The following HDAC9 variants were observed in gnomAD, a reference collection of about 807,000 sequenced individuals.
The protein encoded by HDAC9 is MEF-2 interacting transcription repressor (MITR) protein.
A neutral mutation model predicts 139.4 loss-of-function variants in HDAC9; 41 were observed. The observed-to-expected ratio is 0.29, with a 90% CI of 0.23 to 0.38. HDAC9 has a LOEUF of 0.38. Among genes scored for constraint, HDAC9 ranks in the 10% least tolerant of loss-of-function variants. The pLI is 1.00. For synonymous variants in HDAC9, 517 were observed against 476.2 expected (o/e 1.09, Z -1.12); for missense variants, 1,147 against 1,297.0 (o/e 0.88, Z 1.78).
rs766384933 is a variant in HDAC9, at chr7:18,786,486, C to CCTTCCTTCCTTCCTTCCTTCA, written c.2215-6859_2215-6858insCTTCCTTCCTTCCTTCCTTCA. On this transcript the variant is annotated intron_variant, in intron 16 of 25. Transcript: ENST00000686413. ...CCTTCCTTTCGTCCTTCCTTCCTTT[C>CCTTCCTTCCTTCCTTCCTTCA]TTCCTTCCTTCCTTCCTTCCTCTCT... Among the ~76,000 whole-genome samples, 117 of 32,712 alleles carry CCTTCCTTCCTTCCTTCCTTCA rather than the reference C, an allele frequency of 3.6e-3. 1 individual carries two copies. The highest frequency in any genetic ancestry group is 7.5e-3 in the African/African-American group (111 of 14,704). 21.5% of individuals were successfully genotyped at this position (32,712 alleles called of 152,430 possible).
At chr7:18,234,689 C>T (rs536667176) in intron 2 of HDAC9, among the ~76,000 whole-genome samples, 1 of 152,220 alleles carries the variant, frequency 6.6e-6, no homozygotes, top group South Asian at 2.1e-4. Flanking sequence ...TTGTTTTTTG[C>T]CTAACATTTG....
At chr7:18,909,865 A>C (rs1585288013) in intron 22 of HDAC9, among the ~76,000 whole-genome samples, 1 of 152,028 alleles carries the variant, frequency 6.6e-6, no homozygotes, top group African/African-American at 2.4e-5. Context: ...ATAGGCTTGT[A>C]GTATATTTTG....
At chr7:18,483,731 C>T (rs1795756321) in intron 1 of HDAC9, among the ~76,000 whole-genome samples, 1 of 152,038 alleles carries the variant, frequency 6.6e-6, no homozygotes, top group African/African-American at 2.4e-5. Context: ...TTTCATTTAT[C>T]TCAAATTTTC....
intron 1 of HDAC9, among the ~76,000 whole-genome samples, chr7:18,099,479 GAA>G (rs71014306): frequency 6.7e-6 from 1 of 150,180 alleles, no homozygotes; most frequent in Admixed American, 6.6e-5. Context: ...AAAAAATAAA[GAA>G]AAAAAAAATA....
chr7:18,187,994 A>T (rs567778871), intron 2 of HDAC9, among the ~76,000 whole-genome samples: 1 of 152,162 alleles, frequency 6.6e-6, no homozygotes, highest in African/African-American at 2.4e-5. Flanking sequence ...ATTAGAAAAA[A>T]CTATTTTAAA....
chr7:18,370,556 G>C (rs938700274), intron 1 of HDAC9, among the ~76,000 whole-genome samples: 2 of 152,076 alleles, frequency 1.3e-5, no homozygotes, highest in African/African-American at 4.8e-5. Flanking sequence ...TTAGCAAGCT[G>C]AACACTGCTT....
intron 6 of HDAC9, among the ~76,000 whole-genome samples, chr7:18,622,352 C>G (rs1025414929): frequency 3.9e-5 from 6 of 152,142 alleles, no homozygotes; most frequent in Admixed American, 2.6e-4. Flanking sequence ...GAGAGGGAGT[C>G]TCGCCCTGTC....
chr7:18,807,886 A>G (rs186685308), intron 17 of HDAC9: 1 of 152,152 alleles, frequency 6.6e-6, no homozygotes, highest in Non-Finnish European at 1.5e-5. Context: ...CTTGAGGAGA[A>G]TGTGTATTCT....
rs556754331 is a variant in HDAC9 at position 18,590,265 on chromosome 7, T to C, written c.265-71T>C. 3.7e-4 allele frequency: 544 copies of C among 1,476,900 alleles called. 5 individuals carry two copies. Among genetic ancestry groups the C allele is most frequent in the Non-Finnish European group, 7.0e-5 (76 of 1,082,554 alleles). The allele number at this position is 1,476,900 out of a possible 1,614,324, so 91.5% of individuals were successfully genotyped here. On this transcript the variant is annotated intron_variant, in intron 3 of 25. Coordinates refer to ENST00000686413, the MANE Select transcript of HDAC9 (RefSeq NM_178425.4). ...ACAAGTTCCAAAAGCTCATAACATT[T>C]CAGTTTTGGTCAGTGATGACTATGA...
At chr7:18,482,053 G>A (rs927003577) in intron 1 of HDAC9, among the ~76,000 whole-genome samples, 4 of 151,966 alleles carry the variant, frequency 2.6e-5, no homozygotes, top group Non-Finnish European at 5.9e-5. Context: ...ATTGCCTATC[G>A]CCACATCATA....
At chr7:18,110,644 G>A (rs771334300) in intron 1 of HDAC9, among the ~76,000 whole-genome samples, 32 of 152,320 alleles carry the variant, frequency 2.1e-4, no homozygotes, top group Admixed American at 2.0e-4. Flanking sequence ...TTAGCCTCTA[G>A]ATGGTAGAGC....
intron 2 of HDAC9, among the ~76,000 whole-genome samples, chr7:18,564,764 A>G (rs1821738160): frequency 6.6e-6 from 1 of 152,006 alleles, no homozygotes; most frequent in Non-Finnish European, 1.5e-5. Context: ...AAAGTCCTCA[A>G]AATTTCAATT....
chr7:18,830,116 T>C (rs148384361), intron 19 of HDAC9, among the ~76,000 whole-genome samples: 3 of 152,328 alleles, frequency 2.0e-5, no homozygotes, highest in East Asian at 3.9e-4. Flanking sequence ...GATGCATTCT[T>C]ACACAGTAAA....
At chr7:18,244,509 G>C (rs900096132) in intron 2 of HDAC9, among the ~76,000 whole-genome samples, 2 of 152,128 alleles carry the variant, frequency 1.3e-5, no homozygotes, top group African/African-American at 4.8e-5. Context: ...TGCTTAGTAA[G>C]ATGTTGCGGC....
Position 18,232,645 on chromosome 7 carries a change from A to G in HDAC9, c.25+70296A>G, listed in dbSNP as rs554716300. On this transcript the variant is annotated intron_variant, in intron 2 of 12. Transcript: ENST00000417496. The stretch of plus-strand genomic sequence containing the variant: ...TCTCTATTGCTCATGATATTTGCAG[A>G]ATGCATTTCTCATAATTGGTACTTA... Among the ~76,000 whole-genome samples the G allele has an allele frequency of 9.7e-4, 147 of 152,330 alleles. 4 individuals are homozygous for G. The South Asian group carries it at 0.029, about 30-fold the overall frequency.
rs192100624 is a variant in HDAC9 at position 18,391,309 on chromosome 7, C to T, written c.-42+100794C>T. On this transcript the variant is annotated intron_variant, in intron 1 of 3. Coordinates refer to the HDAC9 transcript ENST00000413509. The stretch of plus-strand genomic sequence containing the variant: ...CTGAGGCAGGAGAATCACTGGAACC[C>T]GGAAGGCAGAGGCTGCAGTGAGCCG... Among the ~76,000 whole-genome samples the T allele has an allele frequency of 1.3e-4, 20 of 151,966 alleles. No individual in the cohort carries two copies. In the South Asian group the frequency reaches 1.5e-3, roughly 11 times the overall value.
chr7:18,480,327 A>T (rs972646254), intron 1 of HDAC9, among the ~76,000 whole-genome samples: 1 of 152,210 alleles, frequency 6.6e-6, no homozygotes, highest in East Asian at 1.9e-4. Context: ...GTCCGAATCT[A>T]TGTTTTTTCT....
chr7:18,474,102 A>C (rs1794930303), intron 1 of HDAC9, among the ~76,000 whole-genome samples: 1 of 152,220 alleles, frequency 6.6e-6, no homozygotes, highest in African/African-American at 2.4e-5. Context: ...CTTTCCGTCC[A>C]ATGCTGATTG....
chr7:18,119,992 A>T (rs564882227), intron 1 of HDAC9, among the ~76,000 whole-genome samples: 7 of 152,272 alleles, frequency 4.6e-5, no homozygotes, highest in Non-Finnish European at 8.8e-5. Context: ...TTTGGGGGTA[A>T]TGTATGGGAA....
Sources: allele counts gnomAD v4.1 joint callset (sites outside exome capture counted in the v4.1 genomes callset), GRCh38; gene constraint gnomAD v4.1.1; transcripts MANE v1.5; gene names NCBI Gene and HGNC (gene_info 2026-07-23, HGNC 2026-07-21).